NEDD9: variants seen among roughly 807,000 people sequenced by gnomAD.
NEDD9 encodes enhancer of filamentation 1.
Under a neutral mutation model 76.6 loss-of-function variants are expected in NEDD9, and 26 were observed. The observed-to-expected ratio is 0.34, with a 90% CI of 0.25 to 0.47. NEDD9 has a LOEUF of 0.47. Among genes scored for constraint, NEDD9 ranks in the 20% least tolerant of loss-of-function variants. The pLI is 1.00. For missense variants in NEDD9, 937 were observed against 1,058.5 expected (o/e 0.89, Z 1.59); for synonymous variants, 392 against 414.2 (o/e 0.95, Z 0.65).
intron 3 of NEDD9, among the ~76,000 whole-genome samples, chr6:11,295,939 T>C (rs1274579193): frequency 6.6e-6 from 1 of 152,188 alleles, no homozygotes; most frequent in Admixed American, 6.5e-5. Flanking sequence ...CAAATTCATG[T>C]TGAAACTTTA....
chr6:11,361,816 G>A (rs769342450), intron 1 of NEDD9, among the ~76,000 whole-genome samples: 6 of 152,136 alleles, frequency 3.9e-5, no homozygotes, highest in African/African-American at 7.2e-5. Context: ...GGAAGCTCTA[G>A]GAGTTTGTAG....
At chr6:11,244,736 C>T (rs9380158) in intron 3 of NEDD9, among the ~76,000 whole-genome samples, 72,652 of 151,980 alleles carry the variant, frequency 0.48, 18,089 homozygotes, top group East Asian at 0.76. Context: ...AATGTTTGCT[C>T]GGTGGTGAAT....
chr6:11,359,122 G>A (rs1762633412), intron 1 of NEDD9, among the ~76,000 whole-genome samples: 1 of 152,216 alleles, frequency 6.6e-6, no homozygotes, highest in Non-Finnish European at 1.5e-5. Flanking sequence ...TCCAGGTGGA[G>A]TAGCAAGCTG....
intron 2 of NEDD9, chr6:11,207,563 C>T (rs1758649467): frequency 6.6e-6 from 1 of 152,180 alleles, no homozygotes; most frequent in African/African-American, 2.4e-5. Flanking sequence ...AAGATGATGT[C>T]ATAGGATCTT....
intron 3 of NEDD9, among the ~76,000 whole-genome samples, chr6:11,246,008 C>T (rs1759799571): frequency 6.6e-6 from 1 of 151,694 alleles, no homozygotes; most frequent in Non-Finnish European, 1.5e-5. Context: ...TAAAAACTTT[C>T]ACTATGCCAA....
rs376074035 is a variant in NEDD9, at chr6:11,271,078, G to A, written c.12+34914C>T. ...AGACAGGGTCTCACTCTATCTTCCAGGCTGGAATACAGTGGTGCTATCATA... is the reference window on the plus strand; with the variant it reads ...AGACAGGGTCTCACTCTATCTTCCAAGCTGGAATACAGTGGTGCTATCATA... On this transcript the variant is annotated intron_variant, in intron 3 of 3. Coordinates refer to the NEDD9 transcript ENST00000397378. 1.2e-4 allele frequency among the ~76,000 whole-genome samples: 18 copies of A among 152,248 alleles called. 1 individual carries two copies. Among genetic ancestry groups the A allele is most frequent in the African/African-American group, 3.9e-4 (16 of 41,536 alleles).
intron 2 of NEDD9, among the ~76,000 whole-genome samples, chr6:11,332,018 G>T (rs1762048754): frequency 6.6e-6 from 1 of 152,206 alleles, no homozygotes; most frequent in Non-Finnish European, 1.5e-5. Context: ...GAAAAGCATT[G>T]TCATTGGCCC....
chr6:11,229,615 A>G (rs867210615), intron 1 of NEDD9, among the ~76,000 whole-genome samples: 3 of 152,242 alleles, frequency 2.0e-5, no homozygotes, highest in African/African-American at 7.2e-5. Context: ...TGCTCTGTAT[A>G]TGAAGGGGAT....
intron 1 of NEDD9, among the ~76,000 whole-genome samples, chr6:11,378,079 C>T (rs1385829206): frequency 1.3e-5 from 2 of 152,100 alleles, no homozygotes; most frequent in Non-Finnish European, 2.9e-5. Flanking sequence ...TCCATCTCTG[C>T]TAAAAATACA....
chr6:11,334,733 A>G (rs552906248), intron 1 of NEDD9, among the ~76,000 whole-genome samples: 1 of 152,278 alleles, frequency 6.6e-6, no homozygotes, highest in South Asian at 2.1e-4. Context: ...TGTTTATTTT[A>G]TGTTTATTTT....
At chr6:11,330,431 C>T (rs577691724) in intron 2 of NEDD9, among the ~76,000 whole-genome samples, 41 of 152,270 alleles carry the variant, frequency 2.7e-4, no homozygotes, top group Non-Finnish European at 4.4e-4. Context: ...AACAGGACCC[C>T]GTGAGAATGA....
intron 3 of NEDD9, among the ~76,000 whole-genome samples, chr6:11,256,275 C>A (rs898275845): frequency 1.1e-4 from 17 of 152,214 alleles, no homozygotes; most frequent in Non-Finnish European, 8.8e-5. Context: ...TGGCTGGAAT[C>A]TTCCCGGCGA....
chr6:11,357,116 C>T (rs1762592152), intron 1 of NEDD9, among the ~76,000 whole-genome samples: 1 of 152,186 alleles, frequency 6.6e-6, no homozygotes, highest in East Asian at 1.9e-4. Flanking sequence ...TTCCTTTTCA[C>T]CCACCAATTC....
At chr6:11,208,468 G>A (rs1219756721) in intron 2 of NEDD9, among the ~76,000 whole-genome samples, 4 of 152,220 alleles carry the variant, frequency 2.6e-5, no homozygotes, top group Non-Finnish European at 4.4e-5. Flanking sequence ...GAGCAGCAGC[G>A]TGTGAGGGTG....
intron 1 of NEDD9, among the ~76,000 whole-genome samples, chr6:11,336,098 C>T (rs761989382): frequency 2.6e-5 from 4 of 152,242 alleles, no homozygotes; most frequent in Non-Finnish European, 5.9e-5. Context: ...TCACCTCCCT[C>T]AGAGTCAGCC....
rs1324915949 is a variant in NEDD9, at chr6:11,183,416, T to C, written c.*1746A>G. 2 of 152,250 alleles carry C rather than the reference T, an allele frequency of 1.3e-5. No homozygotes were observed. The highest frequency in any genetic ancestry group is 2.4e-5 in the African/African-American group (1 of 41,472). The allele number at this position is 152,250 out of a possible 1,614,324, so 9.4% of individuals were successfully genotyped here. A position where few individuals can be genotyped will look rare whatever the true frequency, so the allele number is the denominator to read the frequency against. ...AAATGTGAAATGTCTCCACTTAGCG[T>C]AGATCAATCAAGTCAGCCATCTCCT... On this transcript the variant is annotated 3_prime_UTR_variant, in exon 7 of 7. Transcript: ENST00000379446.
In NEDD9 at chr6:11,253,935, C is replaced by T. The variant is rs1759957102; in HGVS notation, c.13-40208G>A. On this transcript the variant is annotated intron_variant, in intron 3 of 3. Transcript: ENST00000397378. Reference sequence around the variant, plus strand: ...TTTTTAAATGAATTTTCATTTGGAGCCACCAATTAATATTATGGCATCTTC... The same window carrying T: ...TTTTTAAATGAATTTTCATTTGGAGTCACCAATTAATATTATGGCATCTTC... Among the ~76,000 whole-genome samples the T allele has an allele frequency of 2.0e-5, 3 of 151,874 alleles. No individual in the cohort carries two copies. The South Asian group carries it at 6.2e-4, about 32-fold the overall frequency.
intron 1 of NEDD9, among the ~76,000 whole-genome samples, chr6:11,343,269 A>T (rs1003080163): frequency 2.0e-5 from 3 of 152,150 alleles, no homozygotes; most frequent in African/African-American, 7.2e-5. Flanking sequence ...TTCTACTAAA[A>T]GTACAAAAAA....
At chr6:11,335,620 A>C (rs562874139) in intron 1 of NEDD9, among the ~76,000 whole-genome samples, 106 of 152,346 alleles carry the variant, frequency 7.0e-4, no homozygotes, top group South Asian at 1.2e-3. Flanking sequence ...GCATCTCAAC[A>C]ACTTTTTGCT....
Sources: allele counts gnomAD v4.1 joint callset (sites outside exome capture counted in the v4.1 genomes callset), GRCh38; gene constraint gnomAD v4.1.1; transcripts MANE v1.5; gene names NCBI Gene and HGNC (gene_info 2026-07-23, HGNC 2026-07-21).